The following DCC variants were observed in gnomAD, a reference collection of about 807,000 sequenced individuals.
DCC encodes the protein netrin receptor DCC.
DCC carries 58 observed loss-of-function variants against 172.5 expected under a neutral mutation model. That is an observed-to-expected ratio of 0.34 (90% CI 0.27 to 0.42). The LOEUF (loss-of-function observed/expected upper bound fraction) is 0.42, where lower values mean the gene tolerates loss of function less well. Ranked by LOEUF, DCC falls within the 10% of genes least tolerant of loss-of-function variation. DCC has a pLI of 1.00. For missense variants in DCC, 1,740 were observed against 1,791.0 expected, an observed-to-expected ratio of 0.97 and a Z score of 0.51; for synonymous variants, 709 against 644.5, an observed-to-expected ratio of 1.10 and a Z score of -1.52.
At chr18:53,110,021 C>G (rs2043307417) in intron 7 of DCC, among the ~76,000 whole-genome samples, 1 of 151,506 alleles carries the variant, frequency 6.6e-6, no homozygotes, top group Non-Finnish European at 1.5e-5. Flanking sequence ...ACAAGATATG[C>G]TCATTTCATA....
At chr18:52,342,577 T>C (rs908940339) in intron 1 of DCC, among the ~76,000 whole-genome samples, 1 of 152,156 alleles carries the variant, frequency 6.6e-6, no homozygotes, top group African/African-American at 2.4e-5. Flanking sequence ...GCCCAGAAGA[T>C]TGACTTGGGC....
chr18:53,134,277 C>T (rs1471255559), intron 7 of DCC, among the ~76,000 whole-genome samples: 1 of 152,086 alleles, frequency 6.6e-6, no homozygotes, highest in African/African-American at 2.4e-5. Context: ...TAATTATAGT[C>T]ATTTAACAGT....
intron 1 of DCC, among the ~76,000 whole-genome samples, chr18:52,608,938 C>A (rs2034193156): frequency 6.6e-6 from 1 of 152,130 alleles, no homozygotes; most frequent in Non-Finnish European, 1.5e-5. Flanking sequence ...CGTATTTTCT[C>A]AGGAAAATGA....
chr18:52,398,026 A>T (rs1341019325), intron 1 of DCC, among the ~76,000 whole-genome samples: 1 of 152,018 alleles, frequency 6.6e-6, no homozygotes, highest in Non-Finnish European at 1.5e-5. Context: ...CCTCATCAAC[A>T]GCTCCTCACC....
At chr18:52,773,549 CAG>C (rs2037378221) in intron 2 of DCC, among the ~76,000 whole-genome samples, 1 of 149,370 alleles carries the variant, frequency 6.7e-6, no homozygotes, top group Non-Finnish European at 1.5e-5. Context: ...TATTTTGAGA[CAG>C]AGTCTCGCTG....
At chr18:53,359,804 T>C (rs1264105938) in intron 15 of DCC, among the ~76,000 whole-genome samples, 1 of 152,156 alleles carries the variant, frequency 6.6e-6, no homozygotes, top group African/African-American at 2.4e-5. Flanking sequence ...TATAATGACA[T>C]CCAGAGCCTA....
chr18:52,612,237 C>T (rs1029705575), intron 1 of DCC, among the ~76,000 whole-genome samples: 2 of 152,140 alleles, frequency 1.3e-5, no homozygotes, highest in South Asian at 2.1e-4. Context: ...TGATGCCACC[C>T]TGCACTCAGT....
At chr18:53,021,532 T>A (rs1243644631) in intron 5 of DCC, among the ~76,000 whole-genome samples, 1 of 145,410 alleles carries the variant, frequency 6.9e-6, no homozygotes, top group Non-Finnish European at 1.5e-5. Context: ...GAACAGAGAA[T>A]TGCTATTCTA....
At chr18:52,501,499 G>A (rs2031017606) in intron 1 of DCC, among the ~76,000 whole-genome samples, 4 of 152,088 alleles carry the variant, frequency 2.6e-5, no homozygotes, top group Admixed American at 2.6e-4. Flanking sequence ...TAACTATCAA[G>A]TTTCAGTCTT....
Position 53,410,645 on chromosome 18 carries a change from AG to A in DCC, c.3130+1del. On this transcript the variant is annotated frameshift_variant and splice_region_variant, in exon 20 of 29. Transcript: ENST00000442544. LOFTEE classifies it high-confidence loss of function. ...ATCCTATCCTCTTCAGGACTCTGAA[AG>A]GTTTGAATAATTTCCTATTATGCTT... ...SDPILFRTLKVEHPDKMANDQ... is the reference protein window; with the variant it reads ...SDPILFRTLKXEHPDKMANDQ... The A allele has an allele frequency of 6.5e-7, 1 of 1,543,154 alleles. No individual in the cohort carries two copies. Among genetic ancestry groups the A allele is most frequent in the Non-Finnish European group, 9.0e-7 (1 of 1,113,800 alleles).
intron 1 of DCC, among the ~76,000 whole-genome samples, chr18:52,739,630 A>G (rs2036785532): frequency 6.6e-6 from 1 of 152,158 alleles, no homozygotes; most frequent in Admixed American, 6.5e-5. Context: ...TACATTTTGT[A>G]AAAGAGGAAC....
intron 1 of DCC, among the ~76,000 whole-genome samples, chr18:52,523,227 T>A (rs2031874135): frequency 1.3e-5 from 2 of 152,110 alleles, no homozygotes; most frequent in African/African-American, 4.8e-5. Flanking sequence ...AGCTGAGGTG[T>A]CTAGGGGAAC....
intron 7 of DCC, among the ~76,000 whole-genome samples, chr18:53,104,105 C>T (rs997069310): frequency 1.3e-5 from 2 of 152,086 alleles, no homozygotes; most frequent in Admixed American, 6.6e-5. Context: ...TGATTTTCCT[C>T]TTGCTGCAGG....
intron 9 of DCC, among the ~76,000 whole-genome samples, chr18:53,179,525 T>C (rs1399925386): frequency 6.6e-6 from 1 of 152,222 alleles, no homozygotes; most frequent in East Asian, 1.9e-4. Context: ...ATCCAGGGAC[T>C]AATTTAAAAG....
chr18:53,133,299 C>T (rs1381868488), intron 7 of DCC, among the ~76,000 whole-genome samples: 1 of 152,172 alleles, frequency 6.6e-6, no homozygotes, highest in African/African-American at 2.4e-5. Flanking sequence ...CACACTAGTA[C>T]AACTTAAATG....
intron 15 of DCC, among the ~76,000 whole-genome samples, chr18:53,360,541 GAAA>G (rs1298802133): frequency 7.3e-5 from 11 of 151,542 alleles, no homozygotes; most frequent in Non-Finnish European, 1.3e-4. Flanking sequence ...ATTGAAATGA[GAAA>G]AAAAAGTGGC....
chr18:53,069,620 CA>C (rs72121087), intron 7 of DCC, among the ~76,000 whole-genome samples: 25,588 of 113,300 alleles, frequency 0.23, 3,525 homozygotes, highest in East Asian at 0.43. Context: ...TCCACAAAAA[CA>C]AAAAAAAAAA....
intron 1 of DCC, among the ~76,000 whole-genome samples, chr18:52,510,784 G>T (rs142652231): frequency 1.9e-4 from 29 of 152,240 alleles, no homozygotes; most frequent in African/African-American, 7.0e-4. Context: ...GAGCGTGAAA[G>T]GGTCTTCCCA....
At chr18:52,376,524 C>T (rs1349529350) in intron 1 of DCC, among the ~76,000 whole-genome samples, 1 of 151,534 alleles carries the variant, frequency 6.6e-6, no homozygotes, top group African/African-American at 2.4e-5. Context: ...TGTGTACATG[C>T]ACATGCACAA....
Sources: allele counts gnomAD v4.1 joint callset (sites outside exome capture counted in the v4.1 genomes callset), GRCh38; gene constraint gnomAD v4.1.1; transcripts MANE v1.5; gene names NCBI Gene and HGNC (gene_info 2026-07-23, HGNC 2026-07-21).